Variants in OSBPL3 observed in about 807,000 individuals in gnomAD.
The protein encoded by OSBPL3 is oxysterol-binding protein-related protein 3.
A neutral mutation model predicts 120.1 loss-of-function variants in OSBPL3; 65 were observed. The observed-to-expected ratio is 0.54, with a 90% confidence interval of 0.44 to 0.67. OSBPL3 has a LOEUF of 0.67. OSBPL3 is among the 30% of genes least tolerant of loss of function. The probability of loss-of-function intolerance (pLI) is 0.00; values close to 1 mark genes in which losing one functional copy is unlikely to be tolerated. For synonymous variants in OSBPL3, 416 were observed against 402.6 expected (o/e 1.03, Z -0.40); for missense variants, 1,004 against 1,082.1 (o/e 0.93, Z 1.01).
Position 24,940,407 on chromosome 7 carries a change from T to C in OSBPL3, c.-150+39479A>G, listed in dbSNP as rs11972120. 0.1 allele frequency among the ~76,000 whole-genome samples: 15,344 copies of C among 152,020 alleles called. 1,302 individuals carry two copies. Among genetic ancestry groups the C allele is most frequent in the East Asian group, 0.31 (1,588 of 5,146 alleles). On this transcript the variant is annotated intron_variant, in intron 1 of 22. Coordinates refer to ENST00000313367, the MANE Select transcript of OSBPL3 (RefSeq NM_015550.4). The surrounding 1 kb of genome is among the most constrained non-coding windows in gnomAD (Gnocchi z 4.4). ...CAGATCATCAAAAGGGTTGACTATA[T>C]AGCCCAGGTACACCAGGGGAGAAGT... is the stretch of plus-strand genomic sequence containing the variant.
At chr7:24,888,137 A>G (rs1804804381) in intron 2 of OSBPL3, among the ~76,000 whole-genome samples, 1 of 152,222 alleles carries the variant, frequency 6.6e-6, no homozygotes, top group Non-Finnish European at 1.5e-5. Flanking sequence ...CACGTATGAT[A>G]CTGTAAAAGT....
intron 10 of OSBPL3, among the ~76,000 whole-genome samples, chr7:24,859,297 C>T (rs1800211727): frequency 6.6e-6 from 1 of 152,000 alleles, no homozygotes; most frequent in African/African-American, 2.4e-5. Flanking sequence ...ACACTGCCCT[C>T]CCACTGAAAA....
At position 24,866,212 on chromosome 7, in the gene OSBPL3, T is replaced by C; in HGVS notation, c.407A>G (p.Glu136Gly). The C allele has an allele frequency of 6.2e-7, 1 of 1,612,156 alleles. No homozygotes were observed. Among genetic ancestry groups the C allele is most frequent in the Non-Finnish European group, 8.5e-7 (1 of 1,178,206 alleles). Reference protein sequence around the residue: ...LKVKSEEVFDEWVSKLRHHRM... With the variant: ...LKVKSEEVFDGWVSKLRHHRM... Reference sequence around the variant, plus strand: ...GTGGTGGCGAAGTTTCGATACCCACTCATCAAAGACTTCTTCTGACTTGAC... The same window carrying C: ...GTGGTGGCGAAGTTTCGATACCCACCCATCAAAGACTTCTTCTGACTTGAC... The change falls in exon 6 of 23, where the codon GAG (glutamate) becomes GGG (glycine). Residue 136 changes from glutamate to glycine, a missense_variant. This residue lies in a region of OSBPL3 where 255 missense variants were observed against 248.7 expected (regional missense o/e 1.03). Coordinates refer to ENST00000313367, the MANE Select transcript of OSBPL3 (RefSeq NM_015550.4).
intron 1 of OSBPL3, among the ~76,000 whole-genome samples, chr7:24,961,723 A>G (rs186573791): frequency 6.6e-6 from 1 of 152,302 alleles, no homozygotes; most frequent in Non-Finnish European, 1.5e-5. Context: ...CTGGCATTTT[A>G]TTATAGCAGT....
rs116564105 is a variant in OSBPL3 at position 24,918,424 on chromosome 7, G to C, written c.-149-25803C>G. On this transcript the variant is annotated intron_variant, in intron 1 of 22. Coordinates refer to ENST00000313367, the MANE Select transcript of OSBPL3 (RefSeq NM_015550.4). The surrounding 1 kb of genome is among the most constrained non-coding windows in gnomAD (Gnocchi z 4.3). ...ACCCCAGAGAGAAAACATCTAGATA[G>C]AAGTATGTATTTGGAAGAAAGAAGT... 5.9e-3 allele frequency among the ~76,000 whole-genome samples: 900 copies of C among 152,258 alleles called. 8 individuals carry two copies. The highest frequency in any genetic ancestry group is 0.02 in the African/African-American group (837 of 41,546).
chr7:24,799,314 T>C lies in OSBPL3; in HGVS notation c.*869A>G, dbSNP rs1427215318. ...TTTTATATTAAACTGGGACATTCCA[T>C]ACTCAACAGGGAGGTGATCAAACGG... On this transcript the variant is annotated 3_prime_UTR_variant, in exon 23 of 23. Transcript: ENST00000313367. This position sits in a 1 kb window ranked among gnomAD's most constrained non-coding sequence, Gnocchi z 5.3. 6.6e-6 allele frequency: 1 copy of C among 152,382 alleles called. No homozygotes were observed. Among genetic ancestry groups the C allele is most frequent in the Non-Finnish European group, 1.5e-5 (1 of 68,036 alleles). 9.4% of individuals were successfully genotyped at this position (152,382 alleles called of 1,614,324 possible).
At chr7:24,971,753 AACGAGGTAGCGTAAGTAAAGC>A (rs67573645) in intron 1 of OSBPL3, among the ~76,000 whole-genome samples, 35,737 of 152,176 alleles carry the variant, frequency 0.23, 5,169 homozygotes, top group Non-Finnish European at 0.34. Flanking sequence ...GATAAGATCT[AACGAGGTAGCGTAAGTAAAGC>A]ACTTAGCCTG....
In OSBPL3 at chr7:24,852,742, A is replaced by C. The variant is rs1049092137; in HGVS notation, c.1028-108T>G. On this transcript the variant is annotated intron_variant, in intron 10 of 22. Transcript: ENST00000313367. The surrounding 1 kb of genome is among the most constrained non-coding windows in gnomAD (Gnocchi z 4.1). ...AGAAACAAGCAAAGTAACAGCCCTG[A>C]ATATTTTGAGTATAGCAAATGTACA... 11 of 725,470 alleles carry C rather than the reference A, an allele frequency of 1.5e-5. No homozygotes were observed. In the African/African-American group the frequency reaches 2.0e-4, roughly 13 times the overall value. 44.9% of individuals were successfully genotyped at this position (725,470 alleles called of 1,614,324 possible).
chr7:24,845,586 T>C (rs750942829), intron 12 of OSBPL3, among the ~76,000 whole-genome samples: 12 of 149,950 alleles, frequency 8.0e-5, no homozygotes, highest in Non-Finnish European at 1.5e-4. Flanking sequence ...TCTCAGTCTG[T>C]CAATTTCACT....
At position 24,813,958 on chromosome 7, in the gene OSBPL3, T is replaced by C. The variant is rs905667515; in HGVS notation, c.2172+1101A>G. ...AGTCTCTCATGTGTGCCAGACACCA[T>C]TGCAGGAATCAGGGCTACAGAAGTG... is the stretch of plus-strand genomic sequence containing the variant. On this transcript the variant is annotated intron_variant, in intron 19 of 22. Coordinates refer to ENST00000313367, the MANE Select transcript of OSBPL3 (RefSeq NM_015550.4). This position sits in a 1 kb window ranked among gnomAD's most constrained non-coding sequence, Gnocchi z 4.5. 3.6e-4 allele frequency among the ~76,000 whole-genome samples: 55 copies of C among 152,184 alleles called. No homozygotes were observed. The highest frequency in any genetic ancestry group is 1.2e-3 in the African/African-American group (51 of 41,446).
chr7:24,876,039 G>A (rs1802794190), intron 2 of OSBPL3, among the ~76,000 whole-genome samples: 1 of 152,120 alleles, frequency 6.6e-6, no homozygotes, highest in Non-Finnish European at 1.5e-5. Flanking sequence ...TTCAAAATGT[G>A]TATTTTCTAC....
Position 24,871,932 on chromosome 7 carries a change from G to A in OSBPL3, c.213+21C>T. 1 of 1,553,716 alleles carries A rather than the reference G, an allele frequency of 6.4e-7. No individual in the cohort carries two copies. The highest frequency in any genetic ancestry group is 8.9e-7 in the Non-Finnish European group (1 of 1,125,224). ...GGGGCAGTGTGAGTGCAAATAAAGG[G>A]GAGGCCAAGACCAACCTTACCTTAT... On this transcript the variant is annotated intron_variant, in intron 3 of 22. Transcript: ENST00000313367. The surrounding 1 kb of genome is among the most constrained non-coding windows in gnomAD (Gnocchi z 4.8).
rs767011908 is a variant in OSBPL3 at position 24,833,230 on chromosome 7, C to A, written c.1746+1256G>T. 2.0e-5 allele frequency among the ~76,000 whole-genome samples: 3 copies of A among 152,148 alleles called. No homozygotes were observed. The highest frequency in any genetic ancestry group is 4.4e-5 in the Non-Finnish European group (3 of 68,038). ...GAAAGAAAGTCTCTTGGGCCAGGTA[C>A]AGTGACTCATGCCTGTAATCCCAGC... On this transcript the variant is annotated intron_variant, in intron 15 of 22. Coordinates refer to ENST00000313367, the MANE Select transcript of OSBPL3 (RefSeq NM_015550.4). The surrounding 1 kb of genome is among the most constrained non-coding windows in gnomAD (Gnocchi z 4.4).
chr7:24,917,382 C>CATATATAT (rs1266832261), intron 1 of OSBPL3, among the ~76,000 whole-genome samples: 34 of 97,034 alleles, frequency 3.5e-4, no homozygotes, highest in East Asian at 3.4e-3. Flanking sequence ...ATATTTGTAA[C>CATATATAT]ATATATATAT....
In OSBPL3 at chr7:24,947,778, TCACACACACACA is replaced by T. The variant is rs56135680; in HGVS notation, c.-150+32096_-150+32107del. On this transcript the variant is annotated intron_variant, in intron 1 of 22. Coordinates refer to ENST00000313367, the MANE Select transcript of OSBPL3 (RefSeq NM_015550.4). The surrounding 1 kb of genome is among the most constrained non-coding windows in gnomAD (Gnocchi z 4.4). ...ATGTATACATACATATCCAATTAAA[TCACACACACACA>T]CACACACACACACACACACTCATTG... Among the ~76,000 whole-genome samples, 3 of 148,228 alleles carry T rather than the reference TCACACACACACA, an allele frequency of 2.0e-5. No homozygotes were observed. The highest frequency in any genetic ancestry group is 2.2e-4 in the South Asian group (1 of 4,594).
At chr7:24,962,015 T>C (rs1047327620) in intron 1 of OSBPL3, among the ~76,000 whole-genome samples, 1 of 152,110 alleles carries the variant, frequency 6.6e-6, no homozygotes, top group Non-Finnish European at 1.5e-5. Context: ...TCCTGTTGTT[T>C]AATAAAGAGA....
rs994041086 is a variant in OSBPL3, at chr7:24,936,209, G to A, written c.-149-43588C>T. On this transcript the variant is annotated intron_variant, in intron 1 of 22. Coordinates refer to ENST00000313367, the MANE Select transcript of OSBPL3 (RefSeq NM_015550.4). The surrounding 1 kb of genome is among the most constrained non-coding windows in gnomAD (Gnocchi z 4.2). ...ATAAACTTGAAAAGTTCTTCCCCAT[G>A]AAGCTGAGTGAGTAAGTAAGAACAT... Among the ~76,000 whole-genome samples the A allele has an allele frequency of 2.0e-5, 3 of 152,150 alleles. No homozygotes were observed. Among genetic ancestry groups the A allele is most frequent in the African/African-American group, 4.8e-5 (2 of 41,420 alleles).
rs764695475 is a variant in OSBPL3 at position 24,800,165 on chromosome 7, T to C, written c.*18A>G. On this transcript the variant is annotated 3_prime_UTR_variant, in exon 23 of 23. Transcript: ENST00000313367. ...GCACAGGAGAAATACACTAATGTTA[T>C]CTTTCTTCTTTACTTTTTCACCATA... 2.1e-6 allele frequency: 3 copies of C among 1,410,890 alleles called. No individual in the cohort carries two copies. Among genetic ancestry groups the C allele is most frequent in the African/African-American group, 2.8e-5 (2 of 70,796 alleles). 87.4% of individuals were successfully genotyped at this position (1,410,890 alleles called of 1,614,324 possible).
intron 1 of OSBPL3, among the ~76,000 whole-genome samples, chr7:24,942,466 G>A (rs1395357431): frequency 7.0e-6 from 1 of 142,828 alleles, no homozygotes; most frequent in Non-Finnish European, 1.5e-5. Context: ...TCTCTGTCAT[G>A]GTAATCCATG....
Sources: allele counts gnomAD v4.1 joint callset (sites outside exome capture counted in the v4.1 genomes callset), GRCh38; gene constraint gnomAD v4.1.1; regional missense constraint gnomAD v4.1.1; non-coding constraint Gnocchi (gnomAD v3.1); transcripts MANE v1.5; gene names NCBI Gene and HGNC (gene_info 2026-07-23, HGNC 2026-07-21).